NLRP7: variants seen among roughly 807,000 people sequenced by gnomAD.
The protein encoded by NLRP7 is NACHT, LRR and PYD domains-containing protein 7.
Under a neutral mutation model 85.5 loss-of-function variants are expected in NLRP7, and 72 were observed. The observed-to-expected ratio is 0.84, with a 90% CI of 0.70 to 1.02. NLRP7 has a LOEUF of 1.02. NLRP7 is among the 50% of genes least tolerant of loss of function. NLRP7 has a pLI of 0.00. For missense variants in NLRP7, 1,243 were observed against 1,219.5 expected (o/e 1.02, Z -0.29); for synonymous variants, 550 against 505.2 (o/e 1.09, Z -1.19).
intron 4 of NLRP7, among the ~76,000 whole-genome samples, 183 bp downstream of exon 4, chr19:54,938,705 G>T (rs954768072): frequency 1.3e-5 from 2 of 152,206 alleles, no homozygotes; most frequent in African/African-American, 4.8e-5. Context: ...CAGCCTGGGG[G>T]ACAGAGCGAG....
intron 1 of NLRP7, among the ~76,000 whole-genome samples, chr19:54,945,953 C>T (rs942956915): frequency 3.9e-5 from 6 of 152,022 alleles, no homozygotes; most frequent in African/African-American, 1.4e-4. Context: ...CTATGCCCAG[C>T]TAATTTTTTT....
exon 5 of NLRP7, chr19:54,938,053 T>A: frequency 6.2e-7 from 1 of 1,613,398 alleles, no homozygotes; most frequent in African/African-American, 1.3e-5. Context: ...CTCCACTTTC[T>A]GCAGATGACA....
At position 54,928,334 on chromosome 19, in the gene NLRP7, T is replaced by C. The variant is rs79711969; in HGVS notation, c.2810+2165A>G. 8.5e-3 allele frequency among the ~76,000 whole-genome samples: 1,289 copies of C among 152,222 alleles called. 13 individuals are homozygous for C. The highest frequency in any genetic ancestry group is 0.013 in the Non-Finnish European group (862 of 68,004). On this transcript the variant is annotated intron_variant, in intron 9 of 9. Coordinates refer to ENST00000340844, the Ensembl canonical transcript of NLRP7. ...CGCCTGAACCAGGAGGCAGAGGTTGTAGTTAGCCAACATATCACCACTGCA... is the reference window on the plus strand; with the variant it reads ...CGCCTGAACCAGGAGGCAGAGGTTGCAGTTAGCCAACATATCACCACTGCA...
intron 9 of NLRP7, among the ~76,000 whole-genome samples, chr19:54,927,387 A>G (rs923090613): frequency 6.6e-6 from 1 of 151,796 alleles, no homozygotes; most frequent in Non-Finnish European, 1.5e-5. Flanking sequence ...GTCTCAAAAA[A>G]AAAAAAAGAA....
chr19:54,943,134 C>T (rs28676304), intron 1 of NLRP7, among the ~76,000 whole-genome samples: 7 of 148,972 alleles, frequency 4.7e-5, no homozygotes, highest in African/African-American at 1.7e-4. Flanking sequence ...GCAACAAGAG[C>T]GAAACTCTAT....
chr19:54,927,706 C>T, intron 9 of NLRP7: 2 of 1,614,102 alleles, frequency 1.2e-6, no homozygotes, highest in Non-Finnish European at 1.7e-6. Flanking sequence ...GAGTTTCAAG[C>T]TTCTGATTGC....
intron 1 of NLRP7, among the ~76,000 whole-genome samples, chr19:54,960,422 CTGGGAT>C (rs1408866361): frequency 1.3e-5 from 2 of 151,620 alleles, no homozygotes; most frequent in African/African-American, 2.4e-5. Flanking sequence ...TCCCAAAGTG[CTGGGAT>C]TACAGCCTTA....
intron 1 of NLRP7, among the ~76,000 whole-genome samples, chr19:54,961,144 C>T (rs1039285318): frequency 3.3e-5 from 5 of 151,894 alleles, no homozygotes; most frequent in South Asian, 2.1e-4. Context: ...GAGGCCAAGG[C>T]GGGAGGGCCA....
exon 2 of NLRP7, chr19:54,941,720 G>T (rs184816368): frequency 5.6e-6 from 9 of 1,611,130 alleles, no homozygotes; most frequent in South Asian, 1.1e-5. Context: ...ATAGTGCTCC[G>T]AGTATGAGAC....
At chr19:54,939,720 A>C in exon 4 of NLRP7, 3 of 1,613,436 alleles carry the variant, frequency 1.9e-6, no homozygotes, top group African/African-American at 1.3e-5. Context: ...CACACAATCC[A>C]GCACACCGCG....
chr19:54,949,756 A>G (rs574159672), upstream of NLRP7, among the ~76,000 whole-genome samples: 1 of 152,236 alleles, frequency 6.6e-6, no homozygotes, highest in South Asian at 2.1e-4. Context: ...ATGAACTGCC[A>G]GCTATGTGAT....
At chr19:54,948,874 G>A (rs533643217), upstream of NLRP7, 29 of 169,958 alleles carry the variant, frequency 1.7e-4, no homozygotes, top group Admixed American at 2.3e-4. Flanking sequence ...GTATGTTGTG[G>A]AAAGCATTCA....
At chr19:54,962,801 G>C (rs572326987) in intron 1 of NLRP7, among the ~76,000 whole-genome samples, 1 of 148,722 alleles carries the variant, frequency 6.7e-6, no homozygotes, top group Non-Finnish European at 1.5e-5. Context: ...GGGTTTCACC[G>C]TGTTAGCCAG....
chr19:54,935,564 T>C (rs1484750738), intron 6 of NLRP7, among the ~76,000 whole-genome samples: 1 of 146,712 alleles, frequency 6.8e-6, no homozygotes, highest in Non-Finnish European at 1.5e-5. Flanking sequence ...GGCGTGGTGG[T>C]GCACGCCTGT....
chr19:54,940,169 C>A (rs776575371), exon 4 of NLRP7: 14 of 1,614,080 alleles, frequency 8.7e-6, no homozygotes, highest in Admixed American at 6.7e-5. Context: ...GGGGCCCATG[C>A]GGCTGAGCTC....
Position 54,935,239 on chromosome 19 carries a change from T to A in NLRP7, c.2301-580A>T, listed in dbSNP as rs528757644. ...GATTTTGCAGGGGGGAAAAAAAAAT[T>A]TTTTTTTTGAGACAGGATCTCGCTC... On this transcript the variant is annotated intron_variant, in intron 6 of 9. Coordinates refer to ENST00000340844, the Ensembl canonical transcript of NLRP7. 5.5e-4 allele frequency among the ~76,000 whole-genome samples: 84 copies of A among 151,866 alleles called. 2 individuals carry two copies. The highest frequency in any genetic ancestry group is 1.9e-3 in the African/African-American group (78 of 41,378).
At chr19:54,951,964 G>C (rs1181102051), upstream of NLRP7, among the ~76,000 whole-genome samples, 1 of 152,024 alleles carries the variant, frequency 6.6e-6, no homozygotes, top group Non-Finnish European at 1.5e-5. Flanking sequence ...ATGTTAGCCA[G>C]GATGGTCTCG....
At chr19:54,931,899 T>C (rs2068696974) in intron 8 of NLRP7, among the ~76,000 whole-genome samples, 1 of 151,742 alleles carries the variant, frequency 6.6e-6, no homozygotes, top group Admixed American at 6.6e-5. Flanking sequence ...TTTCCAGCTC[T>C]GCCTGGGACA....
intron 1 of NLRP7, among the ~76,000 whole-genome samples, chr19:54,959,359 A>G (rs1403907241): frequency 4.0e-5 from 6 of 150,470 alleles, no homozygotes; most frequent in African/African-American, 7.3e-5. Flanking sequence ...GGCTGGTCTC[A>G]AACTCCTGAC....
Sources: allele counts gnomAD v4.1 joint callset (sites outside exome capture counted in the v4.1 genomes callset), GRCh38; gene constraint gnomAD v4.1.1; transcripts MANE v1.5; gene names NCBI Gene and HGNC (gene_info 2026-07-23, HGNC 2026-07-21).